Variants in TBRG4 observed in about 807,000 individuals in gnomAD.
TBRG4 encodes transforming growth factor beta regulator 4.
In TBRG4, 43 loss-of-function variants were observed where a neutral mutation model predicts 65.6. The ratio of observed to expected loss-of-function variants is 0.66; its 90% CI spans 0.51 to 0.85. TBRG4 has a LOEUF of 0.85. TBRG4 is among the 40% of genes least tolerant of loss of function. The pLI, the probability that TBRG4 is intolerant of heterozygous loss-of-function variation, is 0.00. For missense variants in TBRG4, 709 were observed against 787.9 expected (o/e 0.90, Z 1.20); for synonymous variants, 366 against 341.4 (o/e 1.07, Z -0.79).
At chr7:45,102,265 T>G (rs1039667008) in intron 7 of TBRG4, 82 bp downstream of exon 7, 1 of 1,589,832 alleles carries the variant, frequency 6.3e-7, no homozygotes, top group Non-Finnish European at 8.6e-7. Flanking sequence ...GGCCTCCATC[T>G]GCCCCAAATT....
intron 1 of TBRG4, chr7:45,110,640 C>CA (rs1312538523): frequency 0.023 from 1,585 of 68,306 alleles, 27 homozygotes; most frequent in African/African-American, 0.065. Flanking sequence ...GACTCTGTCA[C>CA]AAAAAAAAAA....
intron 3 of TBRG4, 51 bp from the exon 4 acceptor site, chr7:45,104,760 G>C (rs566422848): frequency 1.3e-6 from 2 of 1,597,080 alleles, no homozygotes; most frequent in South Asian, 2.2e-5. Flanking sequence ...GGGTGGCAGA[G>C]ATGAGCTGGG....
In TBRG4 at chr7:45,109,048, A is replaced by G; in HGVS notation, c.190T>C (p.Ser64Pro). Residue 64 changes from serine to proline, a missense_variant, in exon 2 of 11, where the codon TCT becomes CCT. Coordinates refer to ENST00000258770, the MANE Select transcript of TBRG4 (RefSeq NM_004749.4). ...LMEPVEKERA[S>P]TPYIEKQVDH... ...ACCTGCTTCTCTATGTAGGGAGTAG[A>G]TGCTCGTTCCTTCTCCACCGGCTCC... 6.2e-7 allele frequency: 1 copy of G among 1,613,760 alleles called. No homozygotes were observed. Among genetic ancestry groups the G allele is most frequent in the Non-Finnish European group, 8.5e-7 (1 of 1,179,782 alleles).
Position 45,109,254 on chromosome 7 carries a change from G to A in TBRG4, c.-17C>T. 1 of 1,558,298 alleles carries A rather than the reference G, an allele frequency of 6.4e-7. No individual in the cohort carries two copies. The highest frequency in any genetic ancestry group is 8.7e-7 in the Non-Finnish European group (1 of 1,154,046). ...AGCTGCCATGATGTCCTGGGTGGCA[G>A]AGAGACAAGACTCCTAGCAAGTGAT... On this transcript the variant is annotated 5_prime_UTR_variant, in exon 2 of 11. Transcript: ENST00000258770.
Position 45,100,204 on chromosome 7 carries a change from G to T in TBRG4, c.*121C>A. On this transcript the variant is annotated 3_prime_UTR_variant, in exon 11 of 11. Transcript: ENST00000258770. ...GACGTTCTGTCCCTCAGAGTGGCTG[G>T]CCACCCTCCCCACTCTGGCCAAGGT... 1 of 729,938 alleles carries T rather than the reference G, an allele frequency of 1.4e-6. No individual in the cohort carries two copies. The highest frequency in any genetic ancestry group is 2.2e-6 in the Non-Finnish European group (1 of 450,948). The allele number at this position is 729,938 out of a possible 1,614,324, so 45.2% of individuals were successfully genotyped here.
rs576736073 is a variant in TBRG4, at chr7:45,101,816, A to C, written c.1567+9T>G. On this transcript the variant is annotated intron_variant, in intron 8 of 10. Coordinates refer to ENST00000258770, the MANE Select transcript of TBRG4 (RefSeq NM_004749.4). The stretch of plus-strand genomic sequence containing the variant: ...GCCAGGCCCTGTGCCAACCAGGGGG[A>C]GCCCTCACCCAGCACCCAGCCATAC... 3 of 1,603,178 alleles carry C rather than the reference A, an allele frequency of 1.9e-6. No individual in the cohort carries two copies. Among genetic ancestry groups the C allele is most frequent in the African/African-American group, 2.7e-5 (2 of 74,916 alleles).
chr7:45,111,449 C>G, intron 1 of TBRG4, 194 bp downstream of exon 1: 2 of 526,600 alleles, frequency 3.8e-6, no homozygotes, highest in Non-Finnish European at 5.7e-6. Flanking sequence ...CAGGCCTGGC[C>G]GCGCGGGCTA....
intron 1 of TBRG4, among the ~76,000 whole-genome samples, chr7:45,110,219 C>G (rs1785086023): frequency 6.6e-6 from 1 of 152,174 alleles, no homozygotes; most frequent in African/African-American, 2.4e-5. Flanking sequence ...CCATTTTAAA[C>G]AGGCCTTGCA....
At chr7:45,100,967 T>A (rs1405289873) in intron 10 of TBRG4, among the ~76,000 whole-genome samples, 1 of 152,250 alleles carries the variant, frequency 6.6e-6, no homozygotes, top group Non-Finnish European at 1.5e-5. Context: ...CCTCTTGGGC[T>A]TCAAGCTGCT....
Position 45,111,505 on chromosome 7 carries a change from G to A in TBRG4, c.-51+138C>T, listed in dbSNP as rs115021025. 3.1e-3 allele frequency: 3,266 copies of A among 1,055,016 alleles called. 87 individuals carry two copies. In the African/African-American group the frequency reaches 0.047, roughly 15 times the overall value. 65.4% of individuals were successfully genotyped at this position (1,055,016 alleles called of 1,614,324 possible). A position where few individuals can be genotyped will look rare whatever the true frequency, so the allele number is the denominator to read the frequency against. ...GCAAGCCAGCACGGAACGAGCAGAC[G>A]GCCAGGCCCACGGCATCCCACCGCG... is the stretch of plus-strand genomic sequence containing the variant. On this transcript the variant is annotated intron_variant, in intron 1 of 10. Coordinates refer to ENST00000258770, the MANE Select transcript of TBRG4 (RefSeq NM_004749.4).
intron 5 of TBRG4, 200 bp downstream of exon 5, chr7:45,103,899 G>C: frequency 1.4e-6 from 1 of 738,602 alleles, no homozygotes; most frequent in Non-Finnish European, 2.1e-6. Flanking sequence ...GTCAGTGAAA[G>C]AACAGAGGAA....
intron 1 of TBRG4, among the ~76,000 whole-genome samples, chr7:45,110,257 A>G (rs1173744982): frequency 1.3e-5 from 2 of 152,190 alleles, no homozygotes; most frequent in African/African-American, 2.4e-5. Context: ...AGGGCTTGTT[A>G]TCTGGGTCTC....
At chr7:45,104,734 T>C (rs1784883084) in intron 3 of TBRG4, 25 bp from the exon 4 acceptor site, 1 of 1,609,408 alleles carries the variant, frequency 6.2e-7, no homozygotes, top group Non-Finnish European at 8.5e-7. Flanking sequence ...CGCGCAGAGG[T>C]CAGCTCAATG....
intron 6 of TBRG4, chr7:45,102,995 G>A (rs926905623): frequency 5.0e-6 from 2 of 396,532 alleles, no homozygotes; most frequent in African/African-American, 4.1e-5. Context: ...GCTGTCCTAA[G>A]GTCTTCATAA....
intron 2 of TBRG4, chr7:45,106,066 A>G: frequency 1.6e-6 from 1 of 624,036 alleles, no homozygotes; most frequent in Non-Finnish European, 3.0e-6. Context: ...TGCCTACCAT[A>G]GACAGGGCAG....
Position 45,101,344 on chromosome 7 carries a change from TGGGGAACTC to T in TBRG4, c.1699_1707del (p.Glu567_Pro569del), listed in dbSNP as rs1784759244. 1 of 1,613,820 alleles carries T rather than the reference TGGGGAACTC, an allele frequency of 6.2e-7. No homozygotes were observed. The highest frequency in any genetic ancestry group is 8.5e-7 in the Non-Finnish European group (1 of 1,179,990). On this transcript the variant is annotated inframe_deletion, in exon 10 of 11. Transcript: ENST00000258770. ...AAGTCCTTGCTTCGGCTGTTGAAGT[TGGGGAACTC>T]CCACCGCAAGAACGCTAGCCTGGAA...
chr7:45,108,799 T>C, intron 2 of TBRG4, 28 bp downstream of exon 2: 1 of 1,498,570 alleles, frequency 6.7e-7, no homozygotes, highest in Non-Finnish European at 8.9e-7. Flanking sequence ...CTCTTGTCTA[T>C]GCTCTCAGAC....
intron 1 of TBRG4, chr7:45,110,747 A>C (rs1179017043): frequency 6.6e-6 from 1 of 152,172 alleles, no homozygotes. Context: ...ACGTTCACCT[A>C]GGCCTCATTT....
rs1337812047 is a variant in TBRG4, at chr7:45,101,815, G to A, written c.1567+10C>T. 1 of 1,603,398 alleles carries A rather than the reference G, an allele frequency of 6.2e-7. No individual in the cohort carries two copies. Among genetic ancestry groups the A allele is most frequent in the East Asian group, 2.2e-5 (1 of 44,884 alleles). On this transcript the variant is annotated intron_variant, in intron 8 of 10. Transcript: ENST00000258770. ...TGCCAGGCCCTGTGCCAACCAGGGGGAGCCCTCACCCAGCACCCAGCCATA... is the reference window on the plus strand; with the variant it reads ...TGCCAGGCCCTGTGCCAACCAGGGGAAGCCCTCACCCAGCACCCAGCCATA...
Sources: gnomAD v4.1 joint callset for allele counts (sites outside exome capture counted in the v4.1 genomes callset) on GRCh38, gnomAD v4.1.1 for gene constraint, MANE v1.5 for transcripts, NCBI Gene and HGNC (gene_info 2026-07-23, HGNC 2026-07-21) for gene names.